SOS1: variants seen among roughly 807,000 people sequenced by gnomAD.
The protein encoded by SOS1 is SOS Ras/Rac guanine nucleotide exchange factor 1.
In SOS1, 25 loss-of-function variants were observed where a neutral mutation model predicts 157.6. That is an observed-to-expected ratio of 0.16 (90% CI 0.12 to 0.22). SOS1 has a LOEUF of 0.22. Ranked by LOEUF, SOS1 falls within the 10% of genes least tolerant of loss-of-function variation. The pLI, the probability that SOS1 is intolerant of heterozygous loss-of-function variation, is 1.00. For missense variants in SOS1, 1,237 were observed against 1,599.1 expected, an observed-to-expected ratio of 0.77 and a Z score of 3.86; for synonymous variants, 528 against 534.0, an observed-to-expected ratio of 0.99 and a Z score of 0.16.
intron 20 of SOS1, among the ~76,000 whole-genome samples, chr2:38,992,055 G>A (rs1668751024): frequency 6.6e-6 from 1 of 152,166 alleles, no homozygotes; most frequent in Non-Finnish European, 1.5e-5. Context: ...GATGACATAT[G>A]ACTGCAGTCA....
chr2:39,040,219 G>T (rs1005657848), intron 6 of SOS1, among the ~76,000 whole-genome samples: 3 of 151,562 alleles, frequency 2.0e-5, no homozygotes, highest in Non-Finnish European at 1.5e-5. Flanking sequence ...GCGTTTCACC[G>T]TGTTAGCCAG....
chr2:39,030,076 G>A (rs1047421038), intron 8 of SOS1, among the ~76,000 whole-genome samples: 1 of 151,916 alleles, frequency 6.6e-6, no homozygotes, highest in African/African-American at 2.4e-5. Flanking sequence ...TGAGGCTGAG[G>A]AATCACTTGA....
intron 1 of SOS1, among the ~76,000 whole-genome samples, chr2:39,106,464 G>A (rs1384272763): frequency 4.7e-5 from 7 of 149,132 alleles, no homozygotes; most frequent in Non-Finnish European, 9.0e-5. Context: ...AGTGGCGGGC[G>A]CCTGTCGTCC....
Position 39,052,890 on chromosome 2 carries a change from C to T in SOS1, c.721-1603G>A, listed in dbSNP as rs139601132. ...CAAACTGGCCAGGCATGGTGGCTCACGCCTGTAATTCCAGCATTTTGGGAG... is the reference window on the plus strand; with the variant it reads ...CAAACTGGCCAGGCATGGTGGCTCATGCCTGTAATTCCAGCATTTTGGGAG... On this transcript the variant is annotated intron_variant, in intron 5 of 22. Coordinates refer to ENST00000402219, the MANE Select transcript of SOS1 (RefSeq NM_005633.4). Among the ~76,000 whole-genome samples, 52 of 152,298 alleles carry T rather than the reference C, an allele frequency of 3.4e-4. 1 individual carries two copies. Among genetic ancestry groups the T allele is most frequent in the South Asian group, 1.0e-3 (5 of 4,824 alleles).
At chr2:39,004,756 G>T (rs939275054) in intron 17 of SOS1, among the ~76,000 whole-genome samples, 36 of 151,536 alleles carry the variant, frequency 2.4e-4, no homozygotes, top group African/African-American at 8.7e-4. Flanking sequence ...AAATGACATG[G>T]ACAAGAGGAA....
intron 3 of SOS1, among the ~76,000 whole-genome samples, chr2:39,058,179 T>C (rs1235392331): frequency 6.6e-6 from 1 of 152,084 alleles, no homozygotes; most frequent in Non-Finnish European, 1.5e-5. Flanking sequence ...GCAGTTATTC[T>C]ATTAGTTCTA....
At chr2:39,075,881 T>G (rs1307239399) in intron 1 of SOS1, among the ~76,000 whole-genome samples, 1 of 152,106 alleles carries the variant, frequency 6.6e-6, no homozygotes, top group Admixed American at 6.5e-5. Flanking sequence ...AAATTATAAA[T>G]TATCAAAACT....
At position 38,986,095 on chromosome 2, in the gene SOS1, T is replaced by A. The variant is rs761850358; in HGVS notation, c.3731A>T (p.His1244Leu). ...GCTGTTTGGGAAGAAGGCATTGCCATGGTCACTTTTTTTGCCCAAAGGGGG... is the reference window on the plus strand; with the variant it reads ...GCTGTTTGGGAAGAAGGCATTGCCAAGGTCACTTTTTTTGCCCAAAGGGGG... ...QPPPLGKKSD[H>L]GNAFFPNSPS... The change falls in exon 23 of 23, where the codon CAT becomes CTT. Residue 1244 changes from histidine (H) to leucine (L), a missense_variant. His to Leu is a moderately conservative substitution (Grantham distance 99). Around this residue, in one of 15 missense-constraint regions of SOS1, gnomAD observed 306 missense variants for 322.6 expected, o/e 0.95. Transcript: ENST00000402219. 12 of 1,613,720 alleles carry A rather than the reference T, an allele frequency of 7.4e-6. No homozygotes were observed. The highest frequency in any genetic ancestry group is 6.8e-6 in the Non-Finnish European group (8 of 1,179,890).
At chr2:39,014,102 T>TA in intron 11 of SOS1, 113 bp from the exon 12 acceptor site, 1 of 727,362 alleles carries the variant, frequency 1.4e-6, no homozygotes, top group South Asian at 1.6e-5. Flanking sequence ...TGTAAAAAAT[T>TA]ACTGAAGATA....
At chr2:39,056,970 C>A in intron 3 of SOS1, 104 bp from the exon 4 acceptor site, 1 of 819,226 alleles carries the variant, frequency 1.2e-6, no homozygotes, top group Non-Finnish European at 2.1e-6. Context: ...CACTTTTTTT[C>A]CTGAGGCCTG....
chr2:38,995,069 T>C, intron 20 of SOS1, 54 bp downstream of exon 20: 3 of 1,466,294 alleles, frequency 2.0e-6, no homozygotes, highest in Non-Finnish European at 2.9e-6. Flanking sequence ...TTTTTACCTC[T>C]AGCATGTATA....
chr2:39,063,249 A>T (rs550823282), intron 2 of SOS1, among the ~76,000 whole-genome samples: 1 of 151,910 alleles, frequency 6.6e-6, no homozygotes, highest in Non-Finnish European at 1.5e-5. Flanking sequence ...CAGCCTCCTA[A>T]GTAGGTGGGA....
At chr2:39,103,800 T>C (rs1423918307) in intron 1 of SOS1, among the ~76,000 whole-genome samples, 1 of 152,190 alleles carries the variant, frequency 6.6e-6, no homozygotes, top group Non-Finnish European at 1.5e-5. Flanking sequence ...AAATCTGACT[T>C]CGTCAAAATT....
At chr2:39,040,931 C>G (rs1372505292) in intron 6 of SOS1, among the ~76,000 whole-genome samples, 3 of 152,214 alleles carry the variant, frequency 2.0e-5, no homozygotes, top group Admixed American at 2.0e-4. Context: ...GTCTGCCAAG[C>G]AGTTGCTCTG....
rs1394427827 is a variant in SOS1 at position 39,035,214 on chromosome 2, T to C, written c.1072A>G (p.Lys358Glu). ...ATAACAATAAAGAGTTTTCTTACCT[T>C]CAAAAGTTCAAAGTAATGGAGACAG... ...YHCLHYFELL[K>E]QLEEKSEDQE... The change falls in exon 8 of 23, where the codon AAG becomes GAG. Residue 358 changes from lysine to glutamate, a missense_variant and splice_region_variant. By Grantham distance (56) the Lys-to-Glu change is moderately conservative (BLOSUM62 1). Around this residue, in one of 15 missense-constraint regions of SOS1, gnomAD observed 101 missense variants for 171.5 expected, o/e 0.59. Transcript: ENST00000402219. 6.2e-7 allele frequency: 1 copy of C among 1,607,212 alleles called. No homozygotes were observed. Among genetic ancestry groups the C allele is most frequent in the Non-Finnish European group, 8.5e-7 (1 of 1,174,092 alleles).
intron 1 of SOS1, among the ~76,000 whole-genome samples, chr2:39,094,854 AG>A (rs1412978009): frequency 6.6e-6 from 1 of 152,192 alleles, no homozygotes; most frequent in African/African-American, 2.4e-5. Flanking sequence ...CCTCTTTATA[AG>A]GATACATTGC....
intron 22 of SOS1, 25 bp downstream of exon 22, chr2:38,987,448 T>G: frequency 8.3e-7 from 1 of 1,200,302 alleles, no homozygotes; most frequent in Non-Finnish European, 1.2e-6. Flanking sequence ...TTCCAATTTC[T>G]ACACAACAAG....
At chr2:39,016,912 C>G (rs994215883) in intron 10 of SOS1, among the ~76,000 whole-genome samples, 1 of 152,054 alleles carries the variant, frequency 6.6e-6, no homozygotes, top group African/African-American at 2.4e-5. Context: ...TAAAGGCAAG[C>G]TATTTCTAAA....
Position 39,081,478 on chromosome 2 carries a change from C to T in SOS1, c.88-13725G>A, listed in dbSNP as rs987102709. Among the ~76,000 whole-genome samples the T allele has an allele frequency of 2.0e-5, 3 of 149,528 alleles. No individual in the cohort carries two copies. The Admixed American group carries it at 2.0e-4, about 10-fold the overall frequency. ...GAGGTTGCAGTGAGCCGAGATCGCG[C>T]CACTGCATTCTACCTTGGGCAACAG... On this transcript the variant is annotated intron_variant, in intron 1 of 22. Coordinates refer to ENST00000402219, the MANE Select transcript of SOS1 (RefSeq NM_005633.4).
Sources: allele counts gnomAD v4.1 joint callset (sites outside exome capture counted in the v4.1 genomes callset), GRCh38; gene constraint gnomAD v4.1.1; regional missense constraint gnomAD v4.1.1; transcripts MANE v1.5; gene names NCBI Gene and HGNC (gene_info 2026-07-23, HGNC 2026-07-21).